Variants in MSLN observed in about 807,000 individuals in gnomAD.
MSLN encodes the protein mesothelin, also known as CAK1 antigen.
A neutral mutation model predicts 72.6 loss-of-function variants in MSLN; 82 were observed. The ratio of observed to expected loss-of-function variants is 1.13; its 90% CI spans 0.94 to 1.36. MSLN has a LOEUF of 1.36. Ranked by LOEUF, MSLN falls within the 40% of genes most tolerant of loss-of-function variation. The pLI is 0.00. For synonymous variants in MSLN, 456 were observed against 387.3 expected (o/e 1.18, Z -2.08); for missense variants, 1,005 against 847.9 (o/e 1.19, Z -2.30).
chr16:764,543 C>T, intron 6 of MSLN, 104 bp from the exon 7 acceptor site: 1 of 983,390 alleles, frequency 1.0e-6, no homozygotes, highest in Admixed American at 1.7e-5. Flanking sequence ...ATTCTCGTGG[C>T]CAGGGCAGGG....
At position 765,627 on chromosome 16, in the gene MSLN, C is replaced by A. The variant is rs757930546; in HGVS notation, c.795+10C>A. 6.2e-7 allele frequency: 1 copy of A among 1,601,374 alleles called. No homozygotes were observed. The highest frequency in any genetic ancestry group is 8.5e-7 in the Non-Finnish European group (1 of 1,178,022). On this transcript the variant is annotated intron_variant, in intron 10 of 17. Transcript: ENST00000545450. ...CCGCAGCATCCCGCAGGTGAGACCCCAATCCCCAGCCCGTGGGGATGCCCG... is the reference window on the plus strand; with the variant it reads ...CCGCAGCATCCCGCAGGTGAGACCCAAATCCCCAGCCCGTGGGGATGCCCG...
chr16:762,879 C>T, intron 3 of MSLN, 114 bp downstream of exon 3: 1 of 848,260 alleles, frequency 1.2e-6, no homozygotes, highest in South Asian at 1.7e-5. Flanking sequence ...CCTGTGGTGG[C>T]CACGTCTCAG....
chr16:765,784 G>A lies in MSLN; in HGVS notation c.889G>A (p.Val297Met). The A allele has an allele frequency of 2.5e-6, 4 of 1,598,776 alleles. No individual in the cohort carries two copies. The highest frequency in any genetic ancestry group is 3.4e-6 in the Non-Finnish European group (4 of 1,179,512). ...TILRPRFRRE[V>M]EKTACPSGKK... ...CCTCCGGCCGCGGTTCCGGCGGGAA[G>A]TGGAGAGTGAGTGCCGTGCCCTGCG... The change falls in exon 11 of 18, where the codon GTG (valine) becomes ATG (methionine). Residue 297 changes from valine (V) to methionine (M), a missense_variant. Coordinates refer to ENST00000545450, the MANE Select transcript of MSLN (RefSeq NM_005823.6).
At chr16:761,378 C>T (rs372631068) in intron 2 of MSLN, among the ~76,000 whole-genome samples, 1 of 152,234 alleles carries the variant, frequency 6.6e-6, no homozygotes, top group Non-Finnish European at 1.5e-5. Context: ...GGTGCCTCCA[C>T]GGCCCCAGCC....
At chr16:762,599 G>T in intron 2 of MSLN, 73 bp from the exon 3 acceptor site, 1 of 1,177,010 alleles carries the variant, frequency 8.5e-7, no homozygotes, top group South Asian at 1.3e-5. Flanking sequence ...GGCCCATGTG[G>T]CCCCAGGCTG....
chr16:766,860 C>T, intron 14 of MSLN, 25 bp from the exon 15 acceptor site: 1 of 1,612,378 alleles, frequency 6.2e-7, no homozygotes, highest in Non-Finnish European at 8.5e-7. Context: ...TGCTGGCGCT[C>T]ACTGTCCACC....
chr16:764,641 C>T lies in MSLN; in HGVS notation c.301-6C>T, dbSNP rs765683485. 3 of 1,612,152 alleles carry T rather than the reference C, an allele frequency of 1.9e-6. No individual in the cohort carries two copies. Among genetic ancestry groups the T allele is most frequent in the Non-Finnish European group, 2.5e-6 (3 of 1,179,500 alleles). ...ACGCTCTGTGCTGGACTCCCTGCCC[C>T]TGCAGCTGCGCTGTCTGGCTCACCG... is the stretch of plus-strand genomic sequence containing the variant. On this transcript the variant is annotated splice_polypyrimidine_tract_variant and splice_region_variant and intron_variant, in intron 6 of 17. Transcript: ENST00000545450.
rs1236724499 is a variant in MSLN at position 764,911 on chromosome 16, G to C, written c.385G>C (p.Asp129His). The change falls in exon 8 of 18, where the codon GAT becomes CAT. Residue 129 changes from aspartate to histidine, a missense_variant. By Grantham distance (81) the Asp-to-His change is moderately conservative. Coordinates refer to ENST00000545450, the MANE Select transcript of MSLN (RefSeq NM_005823.6). ...CCCAGCACCCTCTCTTCACAGCCCAGATGCGTTCTCGGGGCCCCAGGCCTG... is the reference window on the plus strand; with the variant it reads ...CCCAGCACCCTCTCTTCACAGCCCACATGCGTTCTCGGGGCCCCAGGCCTG... ...PLDLLLFLNP[D>H]AFSGPQACTR... The C allele has an allele frequency of 1.2e-6, 2 of 1,611,690 alleles. No homozygotes were observed. Among genetic ancestry groups the C allele is most frequent in the East Asian group, 2.2e-5 (1 of 44,844 alleles).
At chr16:765,893 A>G (rs2151616165) in intron 11 of MSLN, 103 bp downstream of exon 11, 1 of 1,345,150 alleles carries the variant, frequency 7.4e-7, no homozygotes. Context: ...TCTGCAGCAC[A>G]TCCCATTATA....
At chr16:764,750 C>A in intron 7 of MSLN, 24 bp downstream of exon 7, 2 of 1,457,076 alleles carry the variant, frequency 1.4e-6, no homozygotes, top group Non-Finnish European at 1.8e-6. Context: ...CCTGAACCCA[C>A]CCCCCCGGCT....
rs1170163262 is a variant in MSLN at position 766,699 on chromosome 16, G to C, written c.1262G>C (p.Gly421Ala). 20 of 1,612,460 alleles carry C rather than the reference G, an allele frequency of 1.2e-5. No homozygotes were observed. The highest frequency in any genetic ancestry group is 5.3e-5 in the African/African-American group (4 of 74,890). The change falls in exon 14 of 18, where the codon GGA (glycine) becomes GCA (alanine). Residue 421 changes from glycine (G) to alanine (A), a missense_variant. Gly to Ala is a moderately conservative substitution (Grantham distance 60). Transcript: ENST00000545450. Reference sequence around the variant, plus strand: ...ACCCTGATCGACCGCTTTGTGAAGGGAAGGGGCCAGCTAGACAAAGACACC... The same window carrying C: ...ACCCTGATCGACCGCTTTGTGAAGGCAAGGGGCCAGCTAGACAAAGACACC... ...VATLIDRFVK[G>A]RGQLDKDTLD...
At chr16:764,805 G>T in intron 7 of MSLN, 79 bp downstream of exon 7, 1 of 1,581,880 alleles carries the variant, frequency 6.3e-7, no homozygotes. Flanking sequence ...CCTTGCCTCG[G>T]ATCCCAGGCC....
Position 764,997 on chromosome 16 carries a change from C to T in MSLN, c.471C>T (p.Pro157=), listed in dbSNP as rs375956169. The T allele has an allele frequency of 3.1e-5, 50 of 1,612,154 alleles. No homozygotes were observed. The highest frequency in any genetic ancestry group is 1.7e-4 in the Middle Eastern group (1 of 6,060). Reference sequence around the variant, plus strand: ...TGGACCTGCTCCCGAGGGGGGCTCCCGAGCGACAGCGGCTGCTGCCTGCGG... The same window carrying T: ...TGGACCTGCTCCCGAGGGGGGCTCCTGAGCGACAGCGGCTGCTGCCTGCGG... ...ANVDLLPRGA[P]ERQRLLPAAL... Residue 157 remains proline, a synonymous_variant, in exon 8 of 18, where the codon CCC becomes CCT. Coordinates refer to ENST00000545450, the MANE Select transcript of MSLN (RefSeq NM_005823.6).
rs74953641 is a variant in MSLN at position 768,698 on chromosome 16, G to A, written c.1834G>A (p.Val612Ile). Residue 612 changes from valine (V) to isoleucine (I), a missense_variant, in exon 18 of 18, where the codon GTC (valine) becomes ATC (isoleucine). Coordinates refer to ENST00000545450, the MANE Select transcript of MSLN (RefSeq NM_005823.6). ...CLLGPGPVLT[V>I]LALLLASTLA is the part of the protein sequence containing the mutation. ...CCTAGGACCTGGACCTGTTCTCACC[G>A]TCCTGGCACTGCTCCTAGCCTCCAC... 9.2e-4 allele frequency: 1,477 copies of A among 1,610,968 alleles called. 8 individuals are homozygous for A. The highest frequency in any genetic ancestry group is 4.4e-3 in the East Asian group (197 of 44,862).
intron 2 of MSLN, among the ~76,000 whole-genome samples, chr16:761,555 G>A (rs764516687): frequency 1.1e-4 from 16 of 152,184 alleles, no homozygotes; most frequent in African/African-American, 3.9e-4. Context: ...CCTGTGATCC[G>A]ATGGCCACGT....
chr16:765,983 C>T, intron 11 of MSLN, 76 bp from the exon 12 acceptor site: 7 of 1,471,978 alleles, frequency 4.8e-6, no homozygotes, highest in Non-Finnish European at 6.4e-6. Flanking sequence ...CCCGAGGTCT[C>T]ATCTCACAGG....
At position 768,856 on chromosome 16, in the gene MSLN, G is replaced by A. The variant is rs1403426516; in HGVS notation, c.*123G>A. ...CTCAGTAAACGGGAACATGCCCCCT[G>A]CAGACACGTCTTGTGGCCTCCGAGG... On this transcript the variant is annotated 3_prime_UTR_variant, in exon 18 of 18. Transcript: ENST00000545450. 3.3e-6 allele frequency: 3 copies of A among 915,936 alleles called. No homozygotes were observed. Among genetic ancestry groups the A allele is most frequent in the Admixed American group, 2.1e-5 (1 of 47,578 alleles). 56.7% of individuals were successfully genotyped at this position (915,936 alleles called of 1,614,324 possible). A position where few individuals can be genotyped will look rare whatever the true frequency, so the allele number is the denominator to read the frequency against.
chr16:763,695 G>C lies in MSLN; in HGVS notation c.179+4G>C. On this transcript the variant is annotated splice_donor_region_variant and intron_variant, in intron 5 of 17. Transcript: ENST00000545450. The stretch of plus-strand genomic sequence containing the variant: ...CCAACCCACCTAACATTTCCAGGTG[G>C]GTCTGGGGTCCTCACAGTCCTCAAG... The C allele has an allele frequency of 3.9e-6, 5 of 1,282,972 alleles. No homozygotes were observed. The highest frequency in any genetic ancestry group is 5.0e-6 in the Non-Finnish European group (5 of 1,006,380). 79.5% of individuals were successfully genotyped at this position (1,282,972 alleles called of 1,614,324 possible).
chr16:764,099 G>C lies in MSLN; in HGVS notation c.256G>C (p.Ala86Pro). 6.2e-7 allele frequency: 1 copy of C among 1,606,568 alleles called. No homozygotes were observed. The highest frequency in any genetic ancestry group is 8.5e-7 in the Non-Finnish European group (1 of 1,179,810). ...GAGCACGGAGCGTGTCCGGGAGCTG[G>C]CTGTGGCCTTGGCACAGAAGAATGT... The part of the protein sequence containing the change: ...GLSTERVREL[A>P]VALAQKNVKL... The change falls in exon 6 of 18, where the codon GCT becomes CCT. Residue 86 changes from alanine to proline, a missense_variant. Ala to Pro is a conservative substitution (Grantham distance 27, BLOSUM62 -1). Transcript: ENST00000545450.
Sources: gnomAD v4.1 joint callset for allele counts (sites outside exome capture counted in the v4.1 genomes callset) on GRCh38, gnomAD v4.1.1 for gene constraint, MANE v1.5 for transcripts, NCBI Gene and HGNC (gene_info 2026-07-23, HGNC 2026-07-21) for gene names.